Variants in TMPRSS9 observed in about 807,000 individuals in gnomAD.
The protein encoded by TMPRSS9 is transmembrane serine protease 9.
TMPRSS9 carries 113 observed loss-of-function variants against 111.4 expected under a neutral mutation model. The ratio of observed to expected loss-of-function variants is 1.01; its 90% CI spans 0.87 to 1.19. The LOEUF (loss-of-function observed/expected upper bound fraction) is 1.19, where lower values mean the gene tolerates loss of function less well. Among genes scored for constraint, TMPRSS9 ranks in the 50% most tolerant of loss-of-function variants. The probability of loss-of-function intolerance (pLI) is 0.00; values close to 1 mark genes in which losing one functional copy is unlikely to be tolerated. For synonymous variants in TMPRSS9, 805 were observed against 659.1 expected, an observed-to-expected ratio of 1.22 and a Z score of -3.39; for missense variants, 1,803 against 1,513.1, an observed-to-expected ratio of 1.19 and a Z score of -3.18.
intron 5 of TMPRSS9, 108 bp from the exon 7 acceptor site, chr19:2,402,974 A>C: frequency 1.3e-6 from 1 of 778,946 alleles, no homozygotes; most frequent in Non-Finnish European, 2.2e-6. Context: ...AAGGAGAGAG[A>C]GAGTTTCCAC....
chr19:2,395,931 C>A (rs931946277), intron 1 of TMPRSS9, among the ~76,000 whole-genome samples: 10 of 152,160 alleles, frequency 6.6e-5, no homozygotes, highest in Non-Finnish European at 1.2e-4. Flanking sequence ...TGGCATGAAC[C>A]CGGGAGGCGC....
chr19:2,424,189 G>A (rs1971538836), exon 15 of TMPRSS9: 2 of 1,463,942 alleles, frequency 1.4e-6, no homozygotes, highest in East Asian at 2.7e-5. Flanking sequence ...TGCGGCGCCG[G>A]GAACACCGTT....
chr19:2,376,242 C>T (rs73919637), intron 1 of TMPRSS9, among the ~76,000 whole-genome samples: 21,612 of 152,036 alleles, frequency 0.14, 3,439 homozygotes, highest in African/African-American at 0.4. Flanking sequence ...TTCCAGTCTC[C>T]CTGACCCTCA....
chr19:2,368,297 T>C (rs1970262592), intron 1 of TMPRSS9, among the ~76,000 whole-genome samples: 1 of 146,126 alleles, frequency 6.8e-6, no homozygotes, highest in Non-Finnish European at 1.5e-5. Flanking sequence ...TCTACTCCCA[T>C]GGGTGCAGTT....
In TMPRSS9 at chr19:2,425,513, AGGGGACCAGGTCCCGCCCAGCCGCC is replaced by A; in HGVS notation, c.3120+26_3120+50del. ...TGCTCGGTGAGCCCCGCCCCGGCCCAGGGGACCAGGTCCCGCCCAGCCGCCGGGGAGGGCGGGTTCCCGCTGCCAC... is the reference window on the plus strand; with the variant it reads ...TGCTCGGTGAGCCCCGCCCCGGCCCAGGGGAGGGCGGGTTCCCGCTGCCAC... On this transcript the variant is annotated intron_variant, in intron 17 of 17. Coordinates refer to ENST00000648592, the Ensembl canonical transcript of TMPRSS9. 1.9e-6 allele frequency: 3 copies of A among 1,549,532 alleles called. No individual in the cohort carries two copies. Among genetic ancestry groups the A allele is most frequent in the Non-Finnish European group, 2.6e-6 (3 of 1,155,368 alleles).
chr19:2,401,917 T>G, intron 4 of TMPRSS9, 58 bp from the exon 6 acceptor site: 1 of 1,522,830 alleles, frequency 6.6e-7, no homozygotes, highest in South Asian at 1.1e-5. Flanking sequence ...CAATAGGATG[T>G]GTTCAAAGGG....
At chr19:2,421,956 G>T in exon 14 of TMPRSS9, 1 of 1,613,178 alleles carries the variant, frequency 6.2e-7, no homozygotes, top group Non-Finnish European at 8.5e-7. Context: ...TAAGAAGCCG[G>T]GCGTGTACAC....
At chr19:2,361,208 GT>G (rs1970193972) in intron 1 of TMPRSS9, among the ~76,000 whole-genome samples, 5 of 62,750 alleles carry the variant, frequency 8.0e-5, no homozygotes, top group African/African-American at 3.8e-4. Context: ...GGGGTGGGAG[GT>G]GGGGCTGGGG....
At chr19:2,385,107 C>G (rs946435837), upstream of TMPRSS9, among the ~76,000 whole-genome samples, 3 of 150,308 alleles carry the variant, frequency 2.0e-5, no homozygotes, top group South Asian at 2.1e-4. Context: ...CTTGGCCCAT[C>G]CATTGGTGAG....
Position 2,403,193 on chromosome 19 carries a change from G to A in TMPRSS9, c.668G>A (p.Cys223Tyr), listed in dbSNP as rs199614990. Residue 223 changes from cysteine (C) to tyrosine (Y), a missense_variant and splice_region_variant, in exon 6 of 18, where the codon TGC becomes TAC. Physicochemically the swap from Cys to Tyr is radical, Grantham distance 194. Transcript: ENST00000648592. ...TCCGATGGGTCCGACGAGGCGCACT[G>A]CGGTCAGTCTGCCTGTCTGGCCTGG... 3.7e-6 allele frequency: 6 copies of A among 1,604,610 alleles called. No homozygotes were observed. The Admixed American group carries it at 5.2e-5, about 14-fold the overall frequency.
At chr19:2,424,543 CT>C (rs74265989) in intron 15 of TMPRSS9, among the ~76,000 whole-genome samples, 33,593 of 146,242 alleles carry the variant, frequency 0.23, 4,028 homozygotes, top group Middle Eastern at 0.27. Context: ...GGCCCCCCCC[CT>C]CCAGCTCCAG....
chr19:2,424,962 TG>T, intron 15 of TMPRSS9, 39 bp from the exon 17 acceptor site: 1 of 1,429,506 alleles, frequency 7.0e-7, no homozygotes, highest in Non-Finnish European at 9.1e-7. Context: ...GCCGGGGGCG[TG>T]GGGGCTCGGG....
Position 2,373,861 on chromosome 19 carries a change from C to T in TMPRSS9, c.-26+13501C>T, listed in dbSNP as rs1214463271. ...AGGTTGCAGCTTGGAGGTTTTCAGC[C>T]AACTTTTTGCGAAACTAATACACAC... On this transcript the variant is annotated intron_variant, in intron 1 of 17. Coordinates refer to the TMPRSS9 transcript ENST00000649857. 2.0e-5 allele frequency among the ~76,000 whole-genome samples: 3 copies of T among 152,178 alleles called. No homozygotes were observed. The East Asian group carries it at 5.8e-4, about 29-fold the overall frequency.
intron 4 of TMPRSS9, among the ~76,000 whole-genome samples, chr19:2,399,631 G>T (rs898859157): frequency 1.3e-5 from 2 of 152,196 alleles, no homozygotes; most frequent in Non-Finnish European, 2.9e-5. Flanking sequence ...CCTTAATGGT[G>T]TGGATAAGGG....
chr19:2,424,406 C>A, intron 15 of TMPRSS9, 149 bp downstream of exon 16: 2 of 861,102 alleles, frequency 2.3e-6, no homozygotes, highest in African/African-American at 1.8e-5. Flanking sequence ...CTCCTCCCAC[C>A]CCCCATCTCC....
In TMPRSS9 at chr19:2,423,358, C is replaced by T. The variant is rs967205756; in HGVS notation, c.2549-731C>T. Among the ~76,000 whole-genome samples the T allele has an allele frequency of 4.2e-4, 63 of 151,760 alleles. 1 individual carries two copies. Among genetic ancestry groups the T allele is most frequent in the Non-Finnish European group, 1.0e-4 (7 of 67,954 alleles). On this transcript the variant is annotated intron_variant, in intron 14 of 17. Transcript: ENST00000648592. The stretch of plus-strand genomic sequence containing the variant: ...GCGGCTGCTGTCAGATTATCCAAGG[C>T]CACCTGGTCTTATGTCAGGGCCAGA...
intron 1 of TMPRSS9, among the ~76,000 whole-genome samples, chr19:2,361,172 GTGGTGCGGGGCTGGGGT>G (rs1970193097): frequency 2.4e-5 from 2 of 84,376 alleles, no homozygotes; most frequent in Admixed American, 1.3e-4. Flanking sequence ...AGTCTGGGGT[GTGGTGCGGGGCTGGGGT>G]GGGAGGCTGG....
intron 1 of TMPRSS9, among the ~76,000 whole-genome samples, chr19:2,362,501 G>A (rs1970208888): frequency 6.6e-6 from 1 of 152,026 alleles, no homozygotes; most frequent in Non-Finnish European, 1.5e-5. Context: ...ATAGTGTACG[G>A]TTGTGTGTGT....
intron 12 of TMPRSS9, among the ~76,000 whole-genome samples, chr19:2,417,183 C>T (rs774415333): frequency 2.0e-5 from 3 of 152,066 alleles, no homozygotes; most frequent in South Asian, 2.1e-4. Flanking sequence ...TGTTTGCCGG[C>T]GGCCACATGT....
Sources: allele counts gnomAD v4.1 joint callset (sites outside exome capture counted in the v4.1 genomes callset), GRCh38; gene constraint gnomAD v4.1.1; transcripts MANE v1.5; gene names NCBI Gene and HGNC (gene_info 2026-07-23, HGNC 2026-07-21).